Variants in SLC24A4 observed in about 807,000 individuals in gnomAD.
The protein encoded by SLC24A4 is sodium/potassium/calcium exchanger 4.
A neutral mutation model predicts 79.0 loss-of-function variants in SLC24A4; 53 were observed. The observed-to-expected ratio is 0.67, with a 90% confidence interval of 0.54 to 0.84. The LOEUF (loss-of-function observed/expected upper bound fraction) is 0.84, where lower values mean the gene tolerates loss of function less well. Among genes scored for constraint, SLC24A4 ranks in the 40% least tolerant of loss-of-function variants. The pLI, the probability that SLC24A4 is intolerant of heterozygous loss-of-function variation, is 0.00. For missense variants in SLC24A4, 731 were observed against 822.0 expected (o/e 0.89, Z 1.35); for synonymous variants, 323 against 323.8 (o/e 1.00, Z 0.03).
At chr14:92,376,702 C>G (rs554001469) in intron 2 of SLC24A4, among the ~76,000 whole-genome samples, 99 of 152,332 alleles carry the variant, frequency 6.5e-4, no homozygotes, top group African/African-American at 1.6e-3. Context: ...GCTTAAACCT[C>G]GTTTAGCTCA....
At chr14:92,389,203 A>C (rs1171143673) in intron 2 of SLC24A4, among the ~76,000 whole-genome samples, 2 of 152,074 alleles carry the variant, frequency 1.3e-5, no homozygotes, top group African/African-American at 4.8e-5. Context: ...TCTCCCTTTT[A>C]AAAGCCTTCC....
chr14:92,388,377 G>A (rs1023244803), intron 2 of SLC24A4, among the ~76,000 whole-genome samples: 1 of 152,212 alleles, frequency 6.6e-6, no homozygotes, highest in Admixed American at 6.5e-5. Flanking sequence ...CAGGACCTGG[G>A]AGTGAGGTCT....
At chr14:92,435,165 T>G (rs79662581) in intron 3 of SLC24A4, among the ~76,000 whole-genome samples, 3,809 of 152,288 alleles carry the variant, frequency 0.025, 138 homozygotes, top group African/African-American at 0.08. Context: ...TTTGTTGTAC[T>G]TCTCAAACTT....
rs549097894 is a variant in SLC24A4 at position 92,382,525 on chromosome 14, A to G, written c.242-51387A>G. On this transcript the variant is annotated intron_variant, in intron 2 of 16. Transcript: ENST00000532405. ...TCAGCAGATCTTTTTAGTACTAACA[A>G]AGGTACCAGGTTAGGCTCTTTTGGT... Among the ~76,000 whole-genome samples the G allele has an allele frequency of 2.0e-5, 3 of 152,342 alleles. No homozygotes were observed. The South Asian group carries it at 6.2e-4, about 32-fold the overall frequency.
intron 12 of SLC24A4, among the ~76,000 whole-genome samples, chr14:92,466,129 C>G (rs1373162047): frequency 6.6e-6 from 1 of 152,230 alleles, no homozygotes; most frequent in Non-Finnish European, 1.5e-5. Context: ...TCTGCCACTT[C>G]TAGCTGTGTG....
chr14:92,457,962 G>GC (rs1205554930), intron 12 of SLC24A4, among the ~76,000 whole-genome samples: 1 of 152,222 alleles, frequency 6.6e-6, no homozygotes, highest in African/African-American at 2.4e-5. Flanking sequence ...GGGGTGCCCT[G>GC]CCCCCTGCTT....
At chr14:92,466,678 G>A (rs1894141570) in intron 12 of SLC24A4, among the ~76,000 whole-genome samples, 1 of 152,196 alleles carries the variant, frequency 6.6e-6, no homozygotes, top group South Asian at 2.1e-4. Flanking sequence ...TGAGCTAAAA[G>A]TATGGGGCTC....
chr14:92,424,760 T>C (rs1891477730), intron 2 of SLC24A4, among the ~76,000 whole-genome samples: 1 of 151,910 alleles, frequency 6.6e-6, no homozygotes, highest in South Asian at 2.1e-4. Flanking sequence ...CACATGCTTG[T>C]AGTTCCAGTT....
At chr14:92,348,402 A>T (rs1886663860) in intron 2 of SLC24A4, among the ~76,000 whole-genome samples, 1 of 152,200 alleles carries the variant, frequency 6.6e-6, no homozygotes, top group African/African-American at 2.4e-5. Flanking sequence ...GGCTTTGCGG[A>T]TCATACAGTT....
intron 2 of SLC24A4, among the ~76,000 whole-genome samples, chr14:92,421,268 A>G (rs935368220): frequency 1.3e-5 from 2 of 152,196 alleles, no homozygotes; most frequent in Non-Finnish European, 2.9e-5. Context: ...TCAATGAAGT[A>G]TAACTTGAGT....
intron 12 of SLC24A4, among the ~76,000 whole-genome samples, chr14:92,479,415 A>G (rs955615974): frequency 3.9e-5 from 6 of 152,250 alleles, no homozygotes; most frequent in African/African-American, 1.4e-4. Context: ...TCCATCAAGA[A>G]AGAGTGTTGA....
In SLC24A4 at chr14:92,494,176, A is replaced by G. The variant is rs986429170; in HGVS notation, c.*548A>G. The G allele has an allele frequency of 1.3e-5, 2 of 152,790 alleles. No individual in the cohort carries two copies. Among genetic ancestry groups the G allele is most frequent in the Non-Finnish European group, 2.9e-5 (2 of 68,176 alleles). 9.5% of individuals were successfully genotyped at this position (152,790 alleles called of 1,614,324 possible). ...CTCAACCTGTTGGGGTTTAGGGCCC[A>G]TGATGGCAGACATTCTACCCCTTTT... On this transcript the variant is annotated 3_prime_UTR_variant, in exon 17 of 17. Transcript: ENST00000532405. The surrounding 1 kb of genome is among the most constrained non-coding windows in gnomAD (Gnocchi z 4.6).
chr14:92,350,041 C>A (rs934240228), intron 2 of SLC24A4, among the ~76,000 whole-genome samples: 6 of 152,216 alleles, frequency 3.9e-5, no homozygotes, highest in African/African-American at 9.6e-5. Context: ...TTACTTTGGG[C>A]AAACTTGCCA....
chr14:92,474,321 C>A (rs530290632), intron 12 of SLC24A4, among the ~76,000 whole-genome samples: 3 of 152,102 alleles, frequency 2.0e-5, no homozygotes, highest in Admixed American at 2.0e-4. Context: ...GAGTCAGGGG[C>A]GGGGCTGGGA....
chr14:92,404,332 T>G (rs892833239), intron 2 of SLC24A4, among the ~76,000 whole-genome samples: 4 of 152,212 alleles, frequency 2.6e-5, no homozygotes. Context: ...CACACAACTT[T>G]TTTTGCTTAA....
At chr14:92,377,034 C>T (rs1383297569) in intron 2 of SLC24A4, among the ~76,000 whole-genome samples, 1 of 152,228 alleles carries the variant, frequency 6.6e-6, no homozygotes, top group East Asian at 1.9e-4. Context: ...CTGCCGGTAC[C>T]ATATGCATCT....
chr14:92,457,726 T>C (rs1020847754), intron 12 of SLC24A4: 1 of 152,360 alleles, frequency 6.6e-6, no homozygotes, highest in Non-Finnish European at 1.5e-5. Flanking sequence ...TTTGGCCCCA[T>C]TCTTGGAGGC....
At position 92,335,253 on chromosome 14, in the gene SLC24A4, G is replaced by C. The variant is rs187088562; in HGVS notation, c.241+9275G>C. On this transcript the variant is annotated intron_variant, in intron 2 of 16. Transcript: ENST00000532405. Reference sequence around the variant, plus strand: ...TATTAGTGGGTGTATTTGTTACAATGATGAGTCAATATTGATACATTGTTA... The same window carrying C: ...TATTAGTGGGTGTATTTGTTACAATCATGAGTCAATATTGATACATTGTTA... Among the ~76,000 whole-genome samples, 367 of 152,276 alleles carry C rather than the reference G, an allele frequency of 2.4e-3. 4 individuals carry two copies. Among genetic ancestry groups the C allele is most frequent in the South Asian group, 0.023 (113 of 4,826 alleles).
At position 92,498,500 on chromosome 14, in the gene SLC24A4, C is replaced by CT. The variant is rs34611498; in HGVS notation, c.*4888dup. The CT allele has an allele frequency of 0.17, 24,112 of 139,240 alleles. 2,167 individuals carry two copies. Among genetic ancestry groups the CT allele is most frequent in the East Asian group, 0.31 (1,486 of 4,750 alleles). The allele number at this position is 139,240 out of a possible 1,614,324, so 8.6% of individuals were successfully genotyped here. A position where few individuals can be genotyped will look rare whatever the true frequency, so the allele number is the denominator to read the frequency against. ...CCACAGGGTACAGGTTTTAAAAAGGCTTTTTTTTTTTTTTTTGAGACAGGG... is the reference window on the plus strand; with the variant it reads ...CCACAGGGTACAGGTTTTAAAAAGGCTTTTTTTTTTTTTTTTTGAGACAGGG... On this transcript the variant is annotated 3_prime_UTR_variant, in exon 17 of 17. Transcript: ENST00000532405.
Sources: allele counts gnomAD v4.1 joint callset (sites outside exome capture counted in the v4.1 genomes callset), GRCh38; gene constraint gnomAD v4.1.1; non-coding constraint Gnocchi (gnomAD v3.1); transcripts MANE v1.5; gene names NCBI Gene and HGNC (gene_info 2026-07-23, HGNC 2026-07-21).